Variants in CMSS1 observed in about 807,000 individuals in gnomAD.
CMSS1 encodes the protein cms1 ribosomal small subunit homolog.
CMSS1 carries 33 observed loss-of-function variants against 43.5 expected under a neutral mutation model. The observed-to-expected ratio is 0.76, with a 90% CI of 0.57 to 1.01. The LOEUF (loss-of-function observed/expected upper bound fraction) is 1.01, where lower values mean the gene tolerates loss of function less well. Ranked by LOEUF, CMSS1 falls within the 50% of genes least tolerant of loss-of-function variation. The probability of loss-of-function intolerance (pLI) is 0.00; values close to 1 mark genes in which losing one functional copy is unlikely to be tolerated. For synonymous variants in CMSS1, 115 were observed against 117.2 expected, an observed-to-expected ratio of 0.98 and a Z score of 0.12; for missense variants, 313 against 326.4, an observed-to-expected ratio of 0.96 and a Z score of 0.32.
At chr3:99,963,032 C>T (rs1708540277) in intron 1 of CMSS1, among the ~76,000 whole-genome samples, 1 of 152,184 alleles carries the variant, frequency 6.6e-6, no homozygotes, top group Admixed American at 6.5e-5. Context: ...TGGGTTTTAC[C>T]AGCCGTTGAG....
intron 1 of CMSS1, among the ~76,000 whole-genome samples, chr3:99,987,372 T>C (rs1357512128): frequency 6.6e-6 from 1 of 150,820 alleles, no homozygotes; most frequent in African/African-American, 2.4e-5. Context: ...CTACTAAAAA[T>C]ACAAAAATTA....
rs148769188 is a variant in CMSS1 at position 100,048,371 on chromosome 3, A to G, written c.65-98602A>G. Among the ~76,000 whole-genome samples, 686 of 152,258 alleles carry G rather than the reference A, an allele frequency of 4.5e-3. 7 individuals carry two copies. The highest frequency in any genetic ancestry group is 0.016 in the African/African-American group (672 of 41,536). On this transcript the variant is annotated intron_variant, in intron 1 of 9. Transcript: ENST00000421999. Reference sequence around the variant, plus strand: ...CCTTCGGCACTGCCAGCCCTCAAGTATGGCAGCTGCTTGAAGCATTTGCTT... The same window carrying G: ...CCTTCGGCACTGCCAGCCCTCAAGTGTGGCAGCTGCTTGAAGCATTTGCTT...
At chr3:100,011,136 C>G (rs1163282475) in intron 1 of CMSS1, among the ~76,000 whole-genome samples, 1 of 152,084 alleles carries the variant, frequency 6.6e-6, no homozygotes, top group Non-Finnish European at 1.5e-5. Flanking sequence ...GGAGTCGTTT[C>G]ATGACAGCAA....
rs1338583214 is a variant in CMSS1 at position 99,854,727 on chromosome 3, G to T, written c.64+36684G>T. On this transcript the variant is annotated intron_variant, in intron 1 of 9. Transcript: ENST00000421999. The stretch of plus-strand genomic sequence containing the variant: ...AGTTGAGAACTACTGATCTATGCAT[G>T]TGTATGTTTGTGGCATGTGTGTATG... 7.2e-5 allele frequency among the ~76,000 whole-genome samples: 11 copies of T among 152,278 alleles called. 1 individual carries two copies. Among genetic ancestry groups the T allele is most frequent in the African/African-American group, 2.4e-4 (10 of 41,548 alleles).
At position 99,976,678 on chromosome 3, in the gene CMSS1, T is replaced by C. The variant is rs7428828; in HGVS notation, c.64+158635T>C. On this transcript the variant is annotated intron_variant, in intron 1 of 9. Coordinates refer to ENST00000421999, the MANE Select transcript of CMSS1 (RefSeq NM_032359.4). ...GTTTACCTTCAAGATTTATTCTTTA[T>C]TTTTAGTTTTCAGTAGTTTCAATAT... 5.0e-3 allele frequency among the ~76,000 whole-genome samples: 756 copies of C among 152,368 alleles called. 5 individuals carry two copies. The highest frequency in any genetic ancestry group is 0.017 in the African/African-American group (711 of 41,580).
chr3:99,880,845 G>A (rs1705701153), intron 1 of CMSS1, among the ~76,000 whole-genome samples: 1 of 152,060 alleles, frequency 6.6e-6, no homozygotes, highest in African/African-American at 2.4e-5. Context: ...CATTTATAAA[G>A]CATCATTTTC....
chr3:100,024,694 T>C (rs909945296), intron 1 of CMSS1, among the ~76,000 whole-genome samples: 1 of 152,168 alleles, frequency 6.6e-6, no homozygotes, highest in African/African-American at 2.4e-5. Flanking sequence ...TTCTAGCCTC[T>C]CTTATTCAGC....
chr3:99,848,063 A>G (rs1943447680), intron 1 of CMSS1: 2 of 1,298,368 alleles, frequency 1.5e-6, no homozygotes, highest in Non-Finnish European at 2.0e-6. Context: ...AATATTTTCC[A>G]TACAAGTATG....
At chr3:99,984,804 A>T (rs942364902) in intron 1 of CMSS1, among the ~76,000 whole-genome samples, 4 of 152,306 alleles carry the variant, frequency 2.6e-5, no homozygotes, top group South Asian at 4.1e-4. Flanking sequence ...AAAATCAAGG[A>T]TCATATTCAG....
At chr3:100,124,134 C>A (rs141786333) in intron 1 of CMSS1, among the ~76,000 whole-genome samples, 1 of 152,220 alleles carries the variant, frequency 6.6e-6, no homozygotes, top group East Asian at 1.9e-4. Flanking sequence ...TGTATACATA[C>A]AAAAAGTTTT....
intron 1 of CMSS1, among the ~76,000 whole-genome samples, chr3:99,925,560 G>A (rs952482085): frequency 6.6e-6 from 1 of 150,388 alleles, no homozygotes; most frequent in Non-Finnish European, 1.5e-5. Context: ...CAGCATGTGG[G>A]ACACTTCCAG....
At chr3:99,864,262 A>G (rs1231501558) in intron 1 of CMSS1, among the ~76,000 whole-genome samples, 2 of 152,174 alleles carry the variant, frequency 1.3e-5, no homozygotes, top group East Asian at 3.9e-4. Context: ...AATACTATGC[A>G]AGGCCATCAT....
At chr3:99,901,600 T>C (rs1457422454) in intron 1 of CMSS1, among the ~76,000 whole-genome samples, 1 of 152,238 alleles carries the variant, frequency 6.6e-6, no homozygotes, top group Non-Finnish European at 1.5e-5. Context: ...TAATATTACA[T>C]AGTTTACACT....
intron 1 of CMSS1, among the ~76,000 whole-genome samples, chr3:99,998,820 T>C (rs563979804): frequency 8.5e-5 from 13 of 152,314 alleles, no homozygotes; most frequent in Admixed American, 6.5e-4. Flanking sequence ...CCGCCCGCCT[T>C]AGCCTCCCAA....
chr3:100,019,817 A>G (rs1263473452), intron 1 of CMSS1, among the ~76,000 whole-genome samples: 1 of 152,158 alleles, frequency 6.6e-6, no homozygotes, highest in Non-Finnish European at 1.5e-5. Flanking sequence ...TTGTCATCCA[A>G]CTTCATGACT....
At chr3:99,957,693 CTTTTT>C (rs779350496) in intron 1 of CMSS1, among the ~76,000 whole-genome samples, 29 of 19,904 alleles carry the variant, frequency 1.5e-3, no homozygotes, top group Non-Finnish European at 2.2e-3. Context: ...TTCTTTCTTT[CTTTTT>C]TTTTTTTTTT....
intron 1 of CMSS1, among the ~76,000 whole-genome samples, chr3:99,853,239 A>G (rs1943794108): frequency 6.6e-6 from 1 of 152,256 alleles, no homozygotes; most frequent in Non-Finnish European, 1.5e-5. Flanking sequence ...CTGCCTTAGC[A>G]TTAGAATTCA....
intron 1 of CMSS1, among the ~76,000 whole-genome samples, chr3:99,838,881 C>T (rs1157012057): frequency 6.6e-6 from 1 of 152,084 alleles, no homozygotes; most frequent in Non-Finnish European, 1.5e-5. Flanking sequence ...TATGCAGAAA[C>T]CTTCTGTGAA....
chr3:100,107,758 T>C (rs2066418476), intron 1 of CMSS1, among the ~76,000 whole-genome samples: 1 of 152,072 alleles, frequency 6.6e-6, no homozygotes, highest in Non-Finnish European at 1.5e-5. Flanking sequence ...TTTGCACTTT[T>C]AGAAATTTCA....
Sources: allele counts gnomAD v4.1 joint callset (sites outside exome capture counted in the v4.1 genomes callset), GRCh38; gene constraint gnomAD v4.1.1; transcripts MANE v1.5; gene names NCBI Gene and HGNC (gene_info 2026-07-23, HGNC 2026-07-21).